The following CNTNAP3B variants were observed in gnomAD, a reference collection of about 807,000 sequenced individuals.
The protein encoded by CNTNAP3B is contactin-associated protein-like 3B.
In CNTNAP3B, 25 loss-of-function variants were observed where a neutral mutation model predicts 108.9. The ratio of observed to expected loss-of-function variants is 0.23; its 90% CI spans 0.17 to 0.32. The LOEUF is 0.32. Ranked by LOEUF, CNTNAP3B falls within the 10% of genes least tolerant of loss-of-function variation. The pLI is 1.00. For synonymous variants in CNTNAP3B, 103 were observed against 473.4 expected (o/e 0.22, Z 10.16); for missense variants, 252 against 1,210.4 (o/e 0.21, Z 11.75).
Position 42,035,428 on chromosome 9 carries a change from G to T in CNTNAP3B, c.391-21903C>A, listed in dbSNP as rs538811595. Among the ~76,000 whole-genome samples, 26 of 146,018 alleles carry T rather than the reference G, an allele frequency of 1.8e-4. 1 individual carries two copies. The South Asian group carries it at 5.2e-3, about 29-fold the overall frequency. On this transcript the variant is annotated intron_variant, in intron 3 of 23. Transcript: ENST00000377561. ...CTCACCCAGATCTGCCTAACCTCAGGTTCCTAACTATTTTAAGATAAAATC... is the reference window on the plus strand; with the variant it reads ...CTCACCCAGATCTGCCTAACCTCAGTTTCCTAACTATTTTAAGATAAAATC...
chr9:41,916,183 A>G (rs1823512461), intron 18 of CNTNAP3B, among the ~76,000 whole-genome samples: 1 of 147,398 alleles, frequency 6.8e-6, no homozygotes, highest in African/African-American at 2.5e-5. Flanking sequence ...GACTCATGTT[A>G]CCATTTGGTG....
intron 2 of CNTNAP3B, among the ~76,000 whole-genome samples, chr9:42,088,709 AC>A (rs1827755492): frequency 7.3e-6 from 1 of 137,226 alleles, no homozygotes; most frequent in Non-Finnish European, 1.6e-5. Context: ...ATGCCATTGG[AC>A]TTACTAATTC....
intron 13 of CNTNAP3B, among the ~76,000 whole-genome samples, chr9:41,942,231 T>C (rs1249553370): frequency 6.6e-6 from 1 of 152,288 alleles, no homozygotes; most frequent in Non-Finnish European, 1.5e-5. Context: ...ATCCCAGCAC[T>C]TTGGGAGGCC....
At chr9:42,095,964 T>G (rs1157672515) in intron 2 of CNTNAP3B, among the ~76,000 whole-genome samples, 1 of 138,462 alleles carries the variant, frequency 7.2e-6, no homozygotes, top group Admixed American at 7.2e-5. Context: ...GCTGGGACAG[T>G]GCTCTCCACA....
intron 13 of CNTNAP3B, among the ~76,000 whole-genome samples, chr9:41,950,926 T>G (rs1211899115): frequency 1.3e-5 from 2 of 148,370 alleles, no homozygotes; most frequent in Non-Finnish European, 3.0e-5. Flanking sequence ...TGGCTACTTT[T>G]TTGTATTTTT....
rs1826680068 is a variant in CNTNAP3B at position 42,038,507 on chromosome 9, C to G, written c.391-24982G>C. Among the ~76,000 whole-genome samples the G allele has an allele frequency of 1.9e-5, 2 of 107,390 alleles. 1 individual carries two copies. Among genetic ancestry groups the G allele is most frequent in the African/African-American group, 7.2e-5 (2 of 27,938 alleles). 70.5% of individuals were successfully genotyped at this position (107,390 alleles called of 152,430 possible). On this transcript the variant is annotated intron_variant, in intron 3 of 23. Coordinates refer to ENST00000377561, the MANE Select transcript of CNTNAP3B (RefSeq NM_001201380.3). ...AGTCTCAGATAAAACAGACTTTAAACCAACAAAGATCAAAAGAGACAAAGA... is the reference window on the plus strand; with the variant it reads ...AGTCTCAGATAAAACAGACTTTAAAGCAACAAAGATCAAAAGAGACAAAGA...
intron 15 of CNTNAP3B, among the ~76,000 whole-genome samples, chr9:41,924,938 C>T (rs1823772637): frequency 6.6e-6 from 1 of 152,130 alleles, no homozygotes; most frequent in Non-Finnish European, 1.5e-5. Flanking sequence ...TGATTGGATT[C>T]ATGTTGTGCA....
In CNTNAP3B at chr9:42,049,319, C is replaced by G. The variant is rs1183293779; in HGVS notation, c.390+27550G>C. 1.0e-4 allele frequency among the ~76,000 whole-genome samples: 14 copies of G among 139,930 alleles called. 4 individuals carry two copies. The East Asian group carries it at 3.1e-3, about 31-fold the overall frequency. The allele number at this position is 139,930 out of a possible 152,430, so 91.8% of individuals were successfully genotyped here. Reference sequence around the variant, plus strand: ...CTATAGCTTCTTTGACATGCTGACTCTTTCTGATTTTCATTATCAGCCTCT... The same window carrying G: ...CTATAGCTTCTTTGACATGCTGACTGTTTCTGATTTTCATTATCAGCCTCT... On this transcript the variant is annotated intron_variant, in intron 3 of 23. Coordinates refer to ENST00000377561, the MANE Select transcript of CNTNAP3B (RefSeq NM_001201380.3).
intron 3 of CNTNAP3B, among the ~76,000 whole-genome samples, chr9:42,043,293 G>A (rs1340989969): frequency 1.9e-5 from 2 of 104,746 alleles, no homozygotes; most frequent in African/African-American, 7.4e-5. Context: ...TTAGCCTCCC[G>A]AGTAGCTGGG....
intron 12 of CNTNAP3B, among the ~76,000 whole-genome samples, chr9:41,956,566 T>C (rs1217884436): frequency 6.6e-6 from 1 of 151,448 alleles, no homozygotes; most frequent in Non-Finnish European, 1.5e-5. Context: ...CATTCCTATA[T>C]GTCCCAGAAG....
Position 42,107,650 on chromosome 9 carries a change from C to A in CNTNAP3B, c.86-2911G>T, listed in dbSNP as rs1828108068. On this transcript the variant is annotated intron_variant, in intron 1 of 23. Coordinates refer to ENST00000377561, the MANE Select transcript of CNTNAP3B (RefSeq NM_001201380.3). ...AGTCACCTTGTAATGAAGAAAATTT[C>A]TGGCACAGGCTTGAATAAATCTTGC... Among the ~76,000 whole-genome samples, 7 of 133,186 alleles carry A rather than the reference C, an allele frequency of 5.3e-5. No individual in the cohort carries two copies. The Admixed American group carries it at 5.3e-4, about 10-fold the overall frequency. 87.4% of individuals were successfully genotyped at this position (133,186 alleles called of 152,430 possible).
intron 13 of CNTNAP3B, among the ~76,000 whole-genome samples, chr9:41,944,775 T>G (rs1487813783): frequency 6.6e-6 from 1 of 152,286 alleles, no homozygotes; most frequent in African/African-American, 2.4e-5. Flanking sequence ...AAATGGGATC[T>G]AATTAAACTA....
At chr9:41,924,509 A>C in intron 15 of CNTNAP3B, among the ~76,000 whole-genome samples, 1 of 152,294 alleles carries the variant, frequency 6.6e-6, no homozygotes. Context: ...AATTCTAAAG[A>C]AGCAGGTTCG....
At position 42,015,515 on chromosome 9, in the gene CNTNAP3B, C is replaced by G. The variant is rs1456234788; in HGVS notation, c.391-1990G>C. Among the ~76,000 whole-genome samples, 2 of 93,124 alleles carry G rather than the reference C, an allele frequency of 2.1e-5. 1 individual carries two copies. The highest frequency in any genetic ancestry group is 8.2e-5 in the African/African-American group (2 of 24,256). The allele number at this position is 93,124 out of a possible 152,430, so 61.1% of individuals were successfully genotyped here. A position where few individuals can be genotyped will look rare whatever the true frequency, so the allele number is the denominator to read the frequency against. ...ATATCCCAGCTCCACCACCTCAAAC[C>G]CTGCTACTCTGCTGCAAGCTGCGGT... On this transcript the variant is annotated intron_variant, in intron 3 of 23. Transcript: ENST00000377561.
intron 10 of CNTNAP3B, among the ~76,000 whole-genome samples, chr9:41,968,755 C>A (rs1160452508): frequency 1.4e-5 from 2 of 145,188 alleles, no homozygotes; most frequent in Non-Finnish European, 3.0e-5. Flanking sequence ...TGAATTTACT[C>A]CATGAAGAAG....
intron 13 of CNTNAP3B, among the ~76,000 whole-genome samples, chr9:41,950,744 ATTCTTT>A (rs1824651120): frequency 8.0e-6 from 1 of 124,356 alleles, no homozygotes; most frequent in Non-Finnish European, 1.7e-5. Context: ...AATAGGAGGA[ATTCTTT>A]TTTTTTTTTT....
In CNTNAP3B at chr9:41,925,293, G is replaced by A. The variant is rs565506670; in HGVS notation, c.2366-1200C>T. On this transcript the variant is annotated intron_variant, in intron 15 of 23. Transcript: ENST00000377561. ...CACATTAATTGGTTGACATGCCTACGTTAGAAATAGCTTTTCTCGGCTAGG... is the reference window on the plus strand; with the variant it reads ...CACATTAATTGGTTGACATGCCTACATTAGAAATAGCTTTTCTCGGCTAGG... Among the ~76,000 whole-genome samples the A allele has an allele frequency of 5.9e-5, 9 of 151,922 alleles. No homozygotes were observed. The East Asian group carries it at 7.7e-4, about 13-fold the overall frequency.
At chr9:41,961,848 C>A (rs1419683338) in intron 11 of CNTNAP3B, among the ~76,000 whole-genome samples, 3 of 152,288 alleles carry the variant, frequency 2.0e-5, no homozygotes, top group African/African-American at 7.2e-5. Flanking sequence ...AATGTTTTAC[C>A]AAGTACAAGG....
At chr9:41,951,971 G>T (rs1824700604) in intron 13 of CNTNAP3B, among the ~76,000 whole-genome samples, 1 of 152,332 alleles carries the variant, frequency 6.6e-6, no homozygotes, top group African/African-American at 2.4e-5. Flanking sequence ...CAGCTATTCA[G>T]GAGGCTGAGG....
Sources: gnomAD v4.1 joint callset for allele counts (sites outside exome capture counted in the v4.1 genomes callset) on GRCh38, gnomAD v4.1.1 for gene constraint, MANE v1.5 for transcripts, NCBI Gene and HGNC (gene_info 2026-07-23, HGNC 2026-07-21) for gene names.